DNAH5: variants seen among roughly 807,000 people sequenced by gnomAD.
The protein encoded by DNAH5 is axonemal beta dynein heavy chain 5.
A neutral mutation model predicts 518.2 loss-of-function variants in DNAH5; 372 were observed. That is an observed-to-expected ratio of 0.72 (90% CI 0.66 to 0.78). The LOEUF (loss-of-function observed/expected upper bound fraction) is 0.78. DNAH5 is among the 30% of genes least tolerant of loss of function. The pLI is 0.00. For missense variants in DNAH5, 5,523 were observed against 5,687.0 expected (o/e 0.97, Z 0.93); for synonymous variants, 2,039 against 2,025.9 (o/e 1.01, Z -0.17).
chr5:13,750,955 A>G, intron 65 of DNAH5, 123 bp downstream of exon 65: 7 of 1,123,124 alleles, frequency 6.2e-6, no homozygotes, highest in Non-Finnish European at 9.1e-6. Context: ...AGATTAATGG[A>G]AAAAAACACA....
intron 60 of DNAH5, among the ~76,000 whole-genome samples, chr5:13,759,583 T>A (rs912445781): frequency 6.6e-6 from 1 of 152,238 alleles, no homozygotes; most frequent in African/African-American, 2.4e-5. Flanking sequence ...ATTGTTCCTG[T>A]CACTTTCATA....
intron 31 of DNAH5, 111 bp downstream of exon 31, chr5:13,850,541 A>C: frequency 2.4e-6 from 2 of 841,662 alleles, no homozygotes; most frequent in Non-Finnish European, 4.0e-6. Context: ...ACAGCTTTAT[A>C]TATAAATTCA....
chr5:13,844,856 G>A lies in DNAH5; in HGVS notation c.5252C>T (p.Ser1751Phe). ...HLLNVFDNIK[S>F]VKFHEKIYDR... The stretch of plus-strand genomic sequence containing the variant: ...GCGAACCTTTTCGTGGAACTTGACA[G>A]ATTTAATGTTGTCAAACACATTCAG... Residue 1751 changes from serine (S) to phenylalanine (F), a missense_variant, in exon 32 of 79, where the codon TCT becomes TTT. Ser to Phe is a radical substitution (Grantham distance 155). Coordinates refer to ENST00000265104, the MANE Select transcript of DNAH5 (RefSeq NM_001369.3). 1 of 1,614,208 alleles carries A rather than the reference G, an allele frequency of 6.2e-7. No homozygotes were observed. The highest frequency in any genetic ancestry group is 8.5e-7 in the Non-Finnish European group (1 of 1,180,044).
At chr5:13,822,347 C>G (rs1762338875) in intron 40 of DNAH5, among the ~76,000 whole-genome samples, 1 of 151,928 alleles carries the variant, frequency 6.6e-6, no homozygotes, top group East Asian at 1.9e-4. Flanking sequence ...GCCTCCCAGG[C>G]TTAAGTGACC....
At chr5:13,797,142 C>G (rs1757958552) in intron 47 of DNAH5, among the ~76,000 whole-genome samples, 1 of 152,158 alleles carries the variant, frequency 6.6e-6, no homozygotes, top group African/African-American at 2.4e-5. Flanking sequence ...CAGGCATGGG[C>G]AAGGACTTCA....
chr5:13,698,060 A>C (rs551344036), intron 78 of DNAH5, among the ~76,000 whole-genome samples: 29 of 152,212 alleles, frequency 1.9e-4, no homozygotes, highest in Non-Finnish European at 4.0e-4. Flanking sequence ...AGTTATTGCA[A>C]GAGTGGGTTG....
At chr5:13,863,214 T>A (rs1200711054) in intron 28 of DNAH5, among the ~76,000 whole-genome samples, 2 of 152,140 alleles carry the variant, frequency 1.3e-5, no homozygotes, top group African/African-American at 2.4e-5. Flanking sequence ...CCTAGACCAT[T>A]AGTCAAGCCC....
At position 13,812,015 on chromosome 5, in the gene DNAH5, A is replaced by G. The variant is rs369928386; in HGVS notation, c.7231-192T>C. ...ACTTAATCTTCAAAACAACCCTACA[A>G]GGTAAGAACTGTTATTATCCTCCTT... On this transcript the variant is annotated intron_variant, in intron 43 of 78. Transcript: ENST00000265104. Among the ~76,000 whole-genome samples the G allele has an allele frequency of 1.2e-3, 181 of 152,300 alleles. 2 individuals carry two copies. Among genetic ancestry groups the G allele is most frequent in the African/African-American group, 4.0e-3 (166 of 41,564 alleles).
At chr5:13,953,996 C>T (rs1229999490) in intron 1 of DNAH5, among the ~76,000 whole-genome samples, 2 of 152,178 alleles carry the variant, frequency 1.3e-5, no homozygotes, top group Non-Finnish European at 2.9e-5. Context: ...GTATGAGCTG[C>T]CACGCCCGGC....
At chr5:13,904,802 T>G (rs1775084432) in intron 12 of DNAH5, among the ~76,000 whole-genome samples, 1 of 152,086 alleles carries the variant, frequency 6.6e-6, no homozygotes, top group African/African-American at 2.4e-5. Flanking sequence ...TCTCAACTAC[T>G]CGGGAGGCTG....
Position 13,744,468 on chromosome 5 carries a change from A to G in DNAH5, c.11211+6610T>C, listed in dbSNP as rs551482947. ...TTAATGATTATATTATATAATTTCA[A>G]ATAGTTCGAAGGAGAATATTGAATG... is the stretch of plus-strand genomic sequence containing the variant. On this transcript the variant is annotated intron_variant, in intron 65 of 78. Coordinates refer to ENST00000265104, the MANE Select transcript of DNAH5 (RefSeq NM_001369.3). 3.1e-4 allele frequency among the ~76,000 whole-genome samples: 47 copies of G among 152,156 alleles called. 1 individual carries two copies. In the South Asian group the frequency reaches 9.5e-3, roughly 31 times the overall value.
At chr5:13,722,198 G>A (rs921468933) in intron 70 of DNAH5, among the ~76,000 whole-genome samples, 31 of 152,156 alleles carry the variant, frequency 2.0e-4, no homozygotes, top group African/African-American at 7.0e-4. Context: ...GCTTCAGATG[G>A]AGCTTCCCTT....
chr5:13,810,208 GCGAACA>G lies in DNAH5; in HGVS notation c.7454_7459del (p.Val2485_Phe2486del). 5 of 1,550,436 alleles carry G rather than the reference GCGAACA, an allele frequency of 3.2e-6. No homozygotes were observed. Among genetic ancestry groups the G allele is most frequent in the Non-Finnish European group, 4.4e-6 (5 of 1,146,864 alleles). On this transcript the variant is annotated inframe_deletion, in exon 45 of 79. Coordinates refer to ENST00000265104, the MANE Select transcript of DNAH5 (RefSeq NM_001369.3). ...CGCCGCCCCCGCGCTCCACAGCAGCGCGAACACGAACAGCCGCCCCAGGTGAGCCTG... is the reference window on the plus strand; with the variant it reads ...CGCCGCCCCCGCGCTCCACAGCAGCGCGAACAGCCGCCCCAGGTGAGCCTG...
chr5:13,737,182 C>A, intron 66 of DNAH5, 70 bp downstream of exon 66: 1 of 1,599,076 alleles, frequency 6.3e-7, no homozygotes, highest in Admixed American at 1.7e-5. Context: ...CACATCCTTC[C>A]ATTTCTCTAA....
chr5:13,852,934 G>A (rs919738482), intron 30 of DNAH5, among the ~76,000 whole-genome samples: 4 of 152,220 alleles, frequency 2.6e-5, no homozygotes, highest in African/African-American at 9.6e-5. Flanking sequence ...GGGCAGCTGT[G>A]GGGTACAGCG....
chr5:13,975,789 C>G (rs1216284854), intron 1 of DNAH5, among the ~76,000 whole-genome samples: 1 of 152,140 alleles, frequency 6.6e-6, no homozygotes, highest in Non-Finnish European at 1.5e-5. Flanking sequence ...ACTACATTTC[C>G]CAGACTCCTG....
At chr5:13,958,021 A>G (rs80108259) in intron 1 of DNAH5, among the ~76,000 whole-genome samples, 10,554 of 151,874 alleles carry the variant, frequency 0.069, 617 homozygotes, top group African/African-American at 0.16. Flanking sequence ...TCATGTACAC[A>G]TTCTCATATT....
rs1371774422 is a variant in DNAH5 at position 13,793,702 on chromosome 5, C to T, written c.8037G>A (p.Leu2679=). ...GATTATAGAATCCATTTTGTTCCAT[C>T]AGCTGTCGCACTATCTCATTCGTAA... ...DQVTNEIVRQ[L]MEQNGFYNLE... The change falls in exon 49 of 79, where the codon CTG becomes CTA. Residue 2679 remains leucine (L), a synonymous_variant. Transcript: ENST00000265104. 1 of 1,614,124 alleles carries T rather than the reference C, an allele frequency of 6.2e-7. No homozygotes were observed. Among genetic ancestry groups the T allele is most frequent in the East Asian group, 2.2e-5 (1 of 44,882 alleles).
chr5:13,941,673 A>G (rs751329680), intron 1 of DNAH5, among the ~76,000 whole-genome samples: 1 of 152,192 alleles, frequency 6.6e-6, no homozygotes, highest in Non-Finnish European at 1.5e-5. Flanking sequence ...TCGGCGGGAG[A>G]GGGAGGTGTG....
Sources: gnomAD v4.1 joint callset for allele counts (sites outside exome capture counted in the v4.1 genomes callset) on GRCh38, gnomAD v4.1.1 for gene constraint, MANE v1.5 for transcripts, NCBI Gene and HGNC (gene_info 2026-07-23, HGNC 2026-07-21) for gene names.